Variants in PCYOX1 observed in about 807,000 individuals in gnomAD.
PCYOX1 encodes the protein prenylcysteine oxidase 1, also known as prenylcysteine lyase.
Under a neutral mutation model 46.4 loss-of-function variants are expected in PCYOX1, and 46 were observed. The observed-to-expected ratio is 0.99, with a 90% CI of 0.78 to 1.27. The LOEUF (loss-of-function observed/expected upper bound fraction) is 1.27, where lower values mean the gene tolerates loss of function less well. Among genes scored for constraint, PCYOX1 ranks in the 50% most tolerant of loss-of-function variants. The pLI is 0.00. For synonymous variants in PCYOX1, 220 were observed against 231.8 expected, an observed-to-expected ratio of 0.95 and a Z score of 0.46; for missense variants, 658 against 628.3, an observed-to-expected ratio of 1.05 and a Z score of -0.51.
At chr2:70,265,577 TTC>T (rs1283906388) in intron 3 of PCYOX1, among the ~76,000 whole-genome samples, 2 of 152,196 alleles carry the variant, frequency 1.3e-5, no homozygotes, top group African/African-American at 4.8e-5. Flanking sequence ...ACATTCATCT[TTC>T]TTTTCAAACA....
chr2:70,272,719 G>A (rs1696618820), intron 3 of PCYOX1, among the ~76,000 whole-genome samples: 1 of 151,894 alleles, frequency 6.6e-6, no homozygotes, highest in Admixed American at 6.6e-5. Flanking sequence ...ATTTTTTTGA[G>A]ATGGAGTCTT....
chr2:70,260,325 C>G (rs1696418291), intron 2 of PCYOX1, among the ~76,000 whole-genome samples: 1 of 152,156 alleles, frequency 6.6e-6, no homozygotes, highest in Non-Finnish European at 1.5e-5. Flanking sequence ...CAGAGGATCA[C>G]TTGAGCCCAG....
At chr2:70,268,478 T>C (rs571063747) in intron 3 of PCYOX1, among the ~76,000 whole-genome samples, 1 of 152,164 alleles carries the variant, frequency 6.6e-6, no homozygotes, top group South Asian at 2.1e-4. Context: ...CCTTTAAATA[T>C]GTGATTAAGT....
At position 70,261,538 on chromosome 2, in the gene PCYOX1, CTA is replaced by C; in HGVS notation, c.494+154_494+155del. On this transcript the variant is annotated intron_variant, in intron 3 of 5. Coordinates refer to ENST00000433351, the MANE Select transcript of PCYOX1 (RefSeq NM_016297.4). ...TGTTAGGCAAAATGTTTTGTAGAAA[CTA>C]TGCAGACTATTTGCTTGGATATTGA... 7 of 607,322 alleles carry C rather than the reference CTA, an allele frequency of 1.2e-5. No individual in the cohort carries two copies. The South Asian group carries it at 1.5e-4, about 13-fold the overall frequency. 37.6% of individuals were successfully genotyped at this position (607,322 alleles called of 1,614,324 possible). A position where few individuals can be genotyped will look rare whatever the true frequency, so the allele number is the denominator to read the frequency against.
In PCYOX1 at chr2:70,275,554, A is replaced by C. The variant is rs1163700431; in HGVS notation, c.747A>C (p.Ala249=). 6.2e-7 allele frequency: 1 copy of C among 1,614,064 alleles called. No individual in the cohort carries two copies. The highest frequency in any genetic ancestry group is 8.5e-7 in the Non-Finnish European group (1 of 1,180,026). Residue 249 remains alanine, a synonymous_variant, in exon 5 of 6, where the codon GCA becomes GCC. Coordinates refer to ENST00000433351, the MANE Select transcript of PCYOX1 (RefSeq NM_016297.4). ...CCTGTTCTGATTCTGGCCTTTGGGC[A>C]GTAGAAGGTGGCAATAAACTTGTTT... ...SLSCSDSGLW[A]VEGGNKLVCS...
chr2:70,266,039 G>A (rs1696516938), intron 3 of PCYOX1, among the ~76,000 whole-genome samples: 1 of 152,138 alleles, frequency 6.6e-6, no homozygotes, highest in Non-Finnish European at 1.5e-5. Context: ...GATTGCTAGA[G>A]TAGCCTCCTA....
At chr2:70,264,786 C>G (rs1471106199) in intron 3 of PCYOX1, among the ~76,000 whole-genome samples, 1 of 151,776 alleles carries the variant, frequency 6.6e-6, no homozygotes, top group African/African-American at 2.4e-5. Flanking sequence ...GAGGCCAAGG[C>G]AGATAGATCT....
chr2:70,269,473 C>T (rs1383574797), intron 3 of PCYOX1, among the ~76,000 whole-genome samples: 1 of 151,208 alleles, frequency 6.6e-6, no homozygotes. Flanking sequence ...GTAGGTGGGA[C>T]TACAGGCATG....
In PCYOX1 at chr2:70,259,440, C is replaced by T. The variant is rs758894654; in HGVS notation, c.193C>T (p.Leu65=). The T allele has an allele frequency of 4.3e-6, 7 of 1,613,940 alleles. No individual in the cohort carries two copies. The highest frequency in any genetic ancestry group is 5.1e-6 in the Non-Finnish European group (6 of 1,179,976). ...QKFGKDVKID[L]FEREEVGGRL... is the part of the protein sequence containing the mutation. ...ATTTGGGAAAGATGTGAAGATAGAC[C>T]TGTTTGAAAGAGAAGAGGTCGGGGG... The change falls in exon 2 of 6, where the codon CTG becomes TTG. Residue 65 remains leucine (L), a synonymous_variant. Coordinates refer to ENST00000433351, the MANE Select transcript of PCYOX1 (RefSeq NM_016297.4).
intron 3 of PCYOX1, among the ~76,000 whole-genome samples, chr2:70,274,387 G>A (rs1219892923): frequency 6.6e-6 from 1 of 151,226 alleles, no homozygotes; most frequent in Non-Finnish European, 1.5e-5. Context: ...TAGTAGAGAC[G>A]GGGTTTCACC....
At chr2:70,267,026 C>G (rs1437538056) in intron 3 of PCYOX1, among the ~76,000 whole-genome samples, 1 of 152,054 alleles carries the variant, frequency 6.6e-6, no homozygotes, top group Admixed American at 6.5e-5. Flanking sequence ...CTCCTCACTT[C>G]CCAGACAGGG....
chr2:70,277,375 C>G lies in PCYOX1; in HGVS notation c.1501C>G (p.Leu501Val). 1 of 1,595,832 alleles carries G rather than the reference C, an allele frequency of 6.3e-7. No individual in the cohort carries two copies. The highest frequency in any genetic ancestry group is 1.1e-5 in the South Asian group (1 of 89,978). The change falls in exon 6 of 6, where the codon CTT (leucine) becomes GTT (valine). Residue 501 changes from leucine to valine, a missense_variant. By Grantham distance (32) the Leu-to-Val change is conservative. Coordinates refer to ENST00000433351, the MANE Select transcript of PCYOX1 (RefSeq NM_016297.4). ...TGATCAGGATGGCTTATATGAGAAACTTAAAACTGAACTATGAAGTGACAC... is the reference window on the plus strand; with the variant it reads ...TGATCAGGATGGCTTATATGAGAAAGTTAAAACTGAACTATGAAGTGACAC... ...MIDQDGLYEK[L>V]KTEL
intron 3 of PCYOX1, among the ~76,000 whole-genome samples, chr2:70,263,515 G>A (rs963830573): frequency 6.6e-6 from 1 of 152,128 alleles, no homozygotes; most frequent in Admixed American, 6.6e-5. Flanking sequence ...GGAGAGACAG[G>A]CAATACACAA....
chr2:70,264,574 G>A (rs1315883625), intron 3 of PCYOX1, among the ~76,000 whole-genome samples: 4 of 151,512 alleles, frequency 2.6e-5, no homozygotes, highest in East Asian at 2.0e-4. Flanking sequence ...TGATCTGCCC[G>A]CCTTGGCCTC....
intron 5 of PCYOX1, among the ~76,000 whole-genome samples, chr2:70,276,515 T>C (rs1044149770): frequency 2.0e-5 from 3 of 152,164 alleles, no homozygotes; most frequent in South Asian, 2.1e-4. Flanking sequence ...CGAAAGATAA[T>C]CTTACCTTCA....
rs1338316697 is a variant in PCYOX1 at position 70,277,135 on chromosome 2, C to T, written c.1261C>T (p.Leu421Phe). The T allele has an allele frequency of 6.2e-7, 1 of 1,614,158 alleles. No individual in the cohort carries two copies. Residue 421 changes from leucine (L) to phenylalanine (F), a missense_variant, in exon 6 of 6, where the codon CTC (leucine) becomes TTC (phenylalanine). By Grantham distance (22) the Leu-to-Phe change is conservative. Coordinates refer to ENST00000433351, the MANE Select transcript of PCYOX1 (RefSeq NM_016297.4). ...ETLTKAQILK[L>F]FLSYDYAVKK... The stretch of plus-strand genomic sequence containing the variant: ...TCTTACTAAAGCACAAATTTTAAAG[C>T]TCTTTCTGTCCTATGATTATGCTGT...
In PCYOX1 at chr2:70,277,199, C is replaced by T. The variant is rs752851228; in HGVS notation, c.1325C>T (p.Pro442Leu). 22 of 1,613,894 alleles carry T rather than the reference C, an allele frequency of 1.4e-5. No homozygotes were observed. The highest frequency in any genetic ancestry group is 1.2e-4 in the Admixed American group (7 of 59,992). ...PWLAYPHYKP[P>L]EKCPSIILHD... ...CTTGCATATCCTCACTATAAGCCCC[C>T]GGAGAAATGCCCCTCTATCATTCTC... is the stretch of plus-strand genomic sequence containing the variant. The change falls in exon 6 of 6, where the codon CCG (proline) becomes CTG (leucine). Residue 442 changes from proline to leucine, a missense_variant. Transcript: ENST00000433351.
At position 70,274,601 on chromosome 2, in the gene PCYOX1, T is replaced by C. The variant is rs149801014; in HGVS notation, c.495-358T>C. 4.0e-3 allele frequency among the ~76,000 whole-genome samples: 604 copies of C among 150,520 alleles called. 1 individual carries two copies. Among genetic ancestry groups the C allele is most frequent in the Non-Finnish European group, 6.4e-3 (433 of 67,550 alleles). The stretch of plus-strand genomic sequence containing the variant: ...TTTTTTAAGAGACACTGTCACTGTC[T>C]GGCCCAGGCTGGAGTGCAGCGGCAT... On this transcript the variant is annotated intron_variant, in intron 3 of 5. Coordinates refer to ENST00000433351, the MANE Select transcript of PCYOX1 (RefSeq NM_016297.4).
At chr2:70,262,774 C>T (rs111517325) in intron 3 of PCYOX1, among the ~76,000 whole-genome samples, 1,732 of 152,118 alleles carry the variant, frequency 0.011, 37 homozygotes, top group African/African-American at 0.04. Context: ...CCACTGTGCC[C>T]GGCTAGCACA....
Sources: allele counts gnomAD v4.1 joint callset (sites outside exome capture counted in the v4.1 genomes callset), GRCh38; gene constraint gnomAD v4.1.1; transcripts MANE v1.5; gene names NCBI Gene and HGNC (gene_info 2026-07-23, HGNC 2026-07-21).